The following EPB41L5 variants were observed in gnomAD, a reference collection of about 807,000 sequenced individuals.
EPB41L5 encodes erythrocyte membrane protein band 4.1 like 5.
In EPB41L5, 55 loss-of-function variants were observed where a neutral mutation model predicts 106.6. The observed-to-expected ratio is 0.52, with a 90% CI of 0.42 to 0.65. EPB41L5 has a LOEUF of 0.65. EPB41L5 is among the 30% of genes least tolerant of loss of function. EPB41L5 has a pLI of 0.00. For missense variants in EPB41L5, 871 were observed against 882.1 expected (o/e 0.99, Z 0.16); for synonymous variants, 297 against 306.7 (o/e 0.97, Z 0.33).
chr2:120,118,882 T>G (rs1685077488), intron 16 of EPB41L5, among the ~76,000 whole-genome samples: 1 of 152,252 alleles, frequency 6.6e-6, no homozygotes, highest in Non-Finnish European at 1.5e-5. Flanking sequence ...AAATGGTATT[T>G]CTGCCTCTAG....
intron 20 of EPB41L5, among the ~76,000 whole-genome samples, chr2:120,159,040 T>C (rs577484666): frequency 6.6e-6 from 1 of 152,108 alleles, no homozygotes; most frequent in African/African-American, 2.4e-5. Flanking sequence ...TCCAGGGAAG[T>C]GAAGGATCTC....
chr2:120,125,501 C>T (rs1685419793), intron 16 of EPB41L5, among the ~76,000 whole-genome samples: 3 of 152,216 alleles, frequency 2.0e-5, no homozygotes, highest in African/African-American at 7.2e-5. Flanking sequence ...GTGCCACCCA[C>T]ACCTGACATA....
intron 15 of EPB41L5, 72 bp downstream of exon 15, chr2:120,100,358 A>C: frequency 7.1e-7 from 1 of 1,416,322 alleles, no homozygotes; most frequent in Non-Finnish European, 9.9e-7. Context: ...TATTGATTGG[A>C]TTTTCATAGT....
At chr2:120,111,382 C>A (rs1422474820) in intron 16 of EPB41L5, among the ~76,000 whole-genome samples, 1 of 152,178 alleles carries the variant, frequency 6.6e-6, no homozygotes, top group African/African-American at 2.4e-5. Context: ...AGTGGCAGTT[C>A]TCTTTTTCGT....
chr2:120,092,966 T>TGTG (rs1451587162), intron 13 of EPB41L5, among the ~76,000 whole-genome samples: 1 of 152,220 alleles, frequency 6.6e-6, no homozygotes, highest in Non-Finnish European at 1.5e-5. Flanking sequence ...TGGGGCCAAA[T>TGTG]GTGGTGGCTC....
chr2:120,131,616 A>G lies in EPB41L5; in HGVS notation c.1502-2A>G. 1 of 1,606,568 alleles carries G rather than the reference A, an allele frequency of 6.2e-7. No individual in the cohort carries two copies. Among genetic ancestry groups the G allele is most frequent in the Non-Finnish European group, 8.5e-7 (1 of 1,176,368 alleles). On this transcript the variant is annotated splice_acceptor_variant, in intron 17 of 24. Transcript: ENST00000263713. LOFTEE classifies it high-confidence loss of function. The stretch of plus-strand genomic sequence containing the variant: ...TATTTTGCCTTTTTTTTTTCTTTTC[A>G]GCATTAAAAGACACCTCAGAGAAGC...
chr2:120,145,520 G>T (rs376105881), intron 19 of EPB41L5, among the ~76,000 whole-genome samples: 1 of 152,084 alleles, frequency 6.6e-6, no homozygotes, highest in Non-Finnish European at 1.5e-5. Flanking sequence ...TTTTTTCATG[G>T]GATTATGTGG....
At chr2:120,042,378 T>C (rs1272684550) in intron 3 of EPB41L5, among the ~76,000 whole-genome samples, 1 of 152,140 alleles carries the variant, frequency 6.6e-6, no homozygotes, top group Non-Finnish European at 1.5e-5. Context: ...TTAATAACTG[T>C]TGTCTGGATT....
intron 17 of EPB41L5, among the ~76,000 whole-genome samples, chr2:120,131,257 A>G (rs1685673716): frequency 6.6e-6 from 1 of 152,238 alleles, no homozygotes; most frequent in Non-Finnish European, 1.5e-5. Context: ...GAGGTTAGAC[A>G]TGAGCCTGGG....
At position 120,059,533 on chromosome 2, in the gene EPB41L5, C is replaced by T. The variant is rs1412865496; in HGVS notation, c.286-13645C>T. On this transcript the variant is annotated intron_variant, in intron 3 of 24. Transcript: ENST00000263713. The stretch of plus-strand genomic sequence containing the variant: ...TTTGGGAAAGACTCTGTTAATAGAA[C>T]GAGAAGCTAAGCTACAGACTGGGAG... Among the ~76,000 whole-genome samples the T allele has an allele frequency of 2.6e-5, 4 of 152,146 alleles. No homozygotes were observed. The South Asian group carries it at 6.2e-4, about 24-fold the overall frequency.
intron 10 of EPB41L5, among the ~76,000 whole-genome samples, chr2:120,086,231 A>C (rs978386591): frequency 3.3e-5 from 5 of 151,988 alleles, no homozygotes; most frequent in Non-Finnish European, 7.4e-5. Context: ...TTTCTTCATT[A>C]TTGTTTTAGT....
intron 1 of EPB41L5, among the ~76,000 whole-genome samples, chr2:120,014,172 A>C (rs530407240): frequency 1.3e-5 from 2 of 152,258 alleles, no homozygotes; most frequent in Non-Finnish European, 2.9e-5. Flanking sequence ...CAATTAACCA[A>C]CCATATTGTG....
intron 3 of EPB41L5, among the ~76,000 whole-genome samples, chr2:120,066,644 CATT>C (rs1349035340): frequency 2.6e-5 from 4 of 152,114 alleles, no homozygotes; most frequent in Non-Finnish European, 5.9e-5. Flanking sequence ...ATTTTTGAGA[CATT>C]ATCTACTGTC....
intron 16 of EPB41L5, among the ~76,000 whole-genome samples, chr2:120,113,547 T>C (rs1684817120): frequency 6.6e-6 from 1 of 152,204 alleles, no homozygotes; most frequent in African/African-American, 2.4e-5. Context: ...TTTAAAAAAA[T>C]TTAAGTGTAT....
Position 120,077,333 on chromosome 2 carries a change from G to A in EPB41L5, c.714+17G>A. ...GTGGTCAAGGTAAGCATTGTGTTGT[G>A]ATGCTTTTTTAAAAATTTATTCTTT... is the stretch of plus-strand genomic sequence containing the variant. On this transcript the variant is annotated intron_variant, in intron 9 of 24. Transcript: ENST00000263713. The A allele has an allele frequency of 1.3e-6, 2 of 1,591,432 alleles. No homozygotes were observed. Among genetic ancestry groups the A allele is most frequent in the Non-Finnish European group, 1.7e-6 (2 of 1,167,846 alleles).
intron 3 of EPB41L5, among the ~76,000 whole-genome samples, chr2:120,053,538 A>G (rs1436423538): frequency 2.6e-5 from 4 of 152,278 alleles, no homozygotes; most frequent in African/African-American, 4.8e-5. Flanking sequence ...AACGCTGTCT[A>G]TGGATTGCCT....
At chr2:120,084,945 C>T (rs528004768) in intron 10 of EPB41L5, among the ~76,000 whole-genome samples, 2 of 152,298 alleles carry the variant, frequency 1.3e-5, no homozygotes, top group Non-Finnish European at 2.9e-5. Context: ...GCATGCATCA[C>T]GTCGTTCTCA....
In EPB41L5 at chr2:120,091,610, T is replaced by C. The variant is rs1683416354; in HGVS notation, c.1099T>C (p.Phe367Leu). The C allele has an allele frequency of 6.2e-7, 1 of 1,613,786 alleles. No individual in the cohort carries two copies. Among genetic ancestry groups the C allele is most frequent in the Non-Finnish European group, 8.5e-7 (1 of 1,179,870 alleles). The change falls in exon 13 of 25, where the codon TTT becomes CTT. Residue 367 changes from phenylalanine (F) to leucine (L), a missense_variant. By Grantham distance (22) the Phe-to-Leu change is conservative. Transcript: ENST00000263713. ...KTNKARRSTS[F>L]ERRPSKRYSR... The stretch of plus-strand genomic sequence containing the variant: ...CAATAAAGCAAGAAGATCAACATCC[T>C]TTGAAAGAAGGCCCAGCAAACGATA...
chr2:120,142,597 T>C (rs1686223951), intron 18 of EPB41L5, among the ~76,000 whole-genome samples: 1 of 152,118 alleles, frequency 6.6e-6, no homozygotes, highest in African/African-American at 2.4e-5. Flanking sequence ...TAAATATTAG[T>C]AAATAGTAAA....
Sources: allele counts gnomAD v4.1 joint callset (sites outside exome capture counted in the v4.1 genomes callset), GRCh38; gene constraint gnomAD v4.1.1; transcripts MANE v1.5; gene names NCBI Gene and HGNC (gene_info 2026-07-23, HGNC 2026-07-21).